BAHCC1: variants seen among roughly 807,000 people sequenced by gnomAD.
BAHCC1 encodes BAH domain and coiled-coil containing 1.
A neutral mutation model predicts 88.2 loss-of-function variants in BAHCC1; 43 were observed. The observed-to-expected ratio is 0.49, with a 90% CI of 0.38 to 0.63. The LOEUF (loss-of-function observed/expected upper bound fraction) is 0.63. Among genes scored for constraint, BAHCC1 ranks in the 20% least tolerant of loss-of-function variants. The pLI is 0.00. For synonymous variants in BAHCC1, 1,510 were observed against 745.5 expected (o/e 2.03, Z -16.71); for missense variants, 3,023 against 1,654.8 (o/e 1.83, Z -14.34).
At position 81,410,384 on chromosome 17, in the gene BAHCC1, G is replaced by A. The variant is rs145983705; in HGVS notation, c.178+10467G>A. ...CATCGAGGGATTCTGTGGCCTTGAG[G>A]CCTTAGTCTGGCCGTAGAACTAGGA... is the stretch of plus-strand genomic sequence containing the variant. On this transcript the variant is annotated intron_variant, in intron 2 of 27. Coordinates refer to ENST00000675386, the MANE Select transcript of BAHCC1 (RefSeq NM_001377448.1). Among the ~76,000 whole-genome samples, 214 of 152,358 alleles carry A rather than the reference G, an allele frequency of 1.4e-3. 1 individual carries two copies. Among genetic ancestry groups the A allele is most frequent in the African/African-American group, 4.8e-3 (201 of 41,578 alleles).
At chr17:81,425,888 T>TA (rs1555650413) in intron 2 of BAHCC1, among the ~76,000 whole-genome samples, 4 of 147,258 alleles carry the variant, frequency 2.7e-5, no homozygotes, top group East Asian at 2.0e-4. Context: ...TTGGTGGTGA[T>TA]GTGGTTGGTG....
At chr17:81,419,349 C>A (rs1212852527) in intron 2 of BAHCC1, among the ~76,000 whole-genome samples, 2 of 152,272 alleles carry the variant, frequency 1.3e-5, no homozygotes, top group Non-Finnish European at 2.9e-5. Context: ...TCTGCATCCA[C>A]GCAGGAACCT....
Position 81,464,033 on chromosome 17 carries a change from A to C in BAHCC1, c.*216A>C. On this transcript the variant is annotated 3_prime_UTR_variant, in exon 28 of 28. Transcript: ENST00000675386. ...TCCAGTCCCGTCCCATCCTCTGCGG[A>C]GGGTCGGGCTGTGGCCCTCATGGGT... 1 of 587,332 alleles carries C rather than the reference A, an allele frequency of 1.7e-6. No homozygotes were observed. The highest frequency in any genetic ancestry group is 3.0e-6 in the Non-Finnish European group (1 of 328,274). The allele number at this position is 587,332 out of a possible 1,614,324, so 36.4% of individuals were successfully genotyped here.
At position 81,465,246 on chromosome 17, in the gene BAHCC1, G is replaced by C. The variant is rs2030623700; in HGVS notation, c.*1429G>C. ...CCCTCTGCCTGCCCCAACCCCTTTGGAGGTTTCTCGGCCTTTTCTGTGCCA... is the reference window on the plus strand; with the variant it reads ...CCCTCTGCCTGCCCCAACCCCTTTGCAGGTTTCTCGGCCTTTTCTGTGCCA... On this transcript the variant is annotated 3_prime_UTR_variant, in exon 28 of 28. Transcript: ENST00000675386. The C allele has an allele frequency of 1.3e-5, 2 of 152,296 alleles. No individual in the cohort carries two copies. The highest frequency in any genetic ancestry group is 3.9e-4 in the East Asian group (2 of 5,194). 9.4% of individuals were successfully genotyped at this position (152,296 alleles called of 1,614,324 possible).
chr17:81,425,274 A>G (rs1452557484), intron 2 of BAHCC1, among the ~76,000 whole-genome samples: 1 of 33,784 alleles, frequency 3.0e-5, no homozygotes, highest in Non-Finnish European at 5.2e-5. Flanking sequence ...TGGGGGTGAT[A>G]GTGGTGGGTG....
rs1024167987 is a variant in BAHCC1 at position 81,427,846 on chromosome 17, G to A, written c.358+867G>A. Among the ~76,000 whole-genome samples, 42 of 152,322 alleles carry A rather than the reference G, an allele frequency of 2.8e-4. No homozygotes were observed. In the East Asian group the frequency reaches 3.3e-3, roughly 12 times the overall value. On this transcript the variant is annotated intron_variant, in intron 3 of 27. Coordinates refer to ENST00000675386, the MANE Select transcript of BAHCC1 (RefSeq NM_001377448.1). Reference sequence around the variant, plus strand: ...CAATGACTGCTGAGCGGCGGGCGTCGTGTTTACAGAGCGCCGCGGACCCAC... The same window carrying A: ...CAATGACTGCTGAGCGGCGGGCGTCATGTTTACAGAGCGCCGCGGACCCAC...
At chr17:81,409,014 C>T (rs2063915279) in intron 2 of BAHCC1, among the ~76,000 whole-genome samples, 1 of 152,234 alleles carries the variant, frequency 6.6e-6, no homozygotes, top group African/African-American at 2.4e-5. Flanking sequence ...CCTAGGATTT[C>T]ACCCCCACAC....
At chr17:81,400,070 C>T (rs1269461857) in intron 2 of BAHCC1, among the ~76,000 whole-genome samples, 153 bp downstream of exon 2, 8 of 152,072 alleles carry the variant, frequency 5.3e-5, no homozygotes, top group African/African-American at 1.9e-4. Context: ...CCGCGCGTCC[C>T]GCCAGCCCCC....
intron 2 of BAHCC1, among the ~76,000 whole-genome samples, chr17:81,409,145 T>C (rs2063916735): frequency 6.6e-6 from 1 of 152,190 alleles, no homozygotes; most frequent in South Asian, 2.1e-4. Flanking sequence ...CACTGGACCA[T>C]GGCGTGGGGC....
chr17:81,420,749 T>C (rs535854537), intron 2 of BAHCC1, among the ~76,000 whole-genome samples: 4 of 152,336 alleles, frequency 2.6e-5, no homozygotes, highest in South Asian at 2.1e-4. Flanking sequence ...TGGAGGCCAG[T>C]GTGCAGTCCT....
In BAHCC1 at chr17:81,399,769, G is replaced by GCCT; in HGVS notation, c.31_32insCTC (p.Pro10dup). On this transcript the variant is annotated inframe_insertion, in exon 2 of 28. Transcript: ENST00000675386. The surrounding 1 kb of genome is among the most constrained non-coding windows in gnomAD (Gnocchi z 4.5). ...ATGGCCGCGACTTTGCGCCGCCGCCGCATCTGCTGTCGGAGCGCGGGAGCC... is the reference window on the plus strand; with the variant it reads ...ATGGCCGCGACTTTGCGCCGCCGCCGCCTCATCTGCTGTCGGAGCGCGGGAGCC... The GCCT allele has an allele frequency of 8.2e-7, 1 of 1,213,532 alleles. No individual in the cohort carries two copies. The highest frequency in any genetic ancestry group is 1.6e-5 in the African/African-American group (1 of 62,740). The allele number at this position is 1,213,532 out of a possible 1,614,324, so 75.2% of individuals were successfully genotyped here.
At chr17:81,412,107 G>A (rs2143274247) in intron 2 of BAHCC1, among the ~76,000 whole-genome samples, 1 of 152,288 alleles carries the variant, frequency 6.6e-6, no homozygotes, top group African/African-American at 2.4e-5. Context: ...TGGAGTGGCA[G>A]GAAAGAGCCC....
At chr17:81,415,415 C>A in intron 2 of BAHCC1, 1 of 378,296 alleles carries the variant, frequency 2.6e-6, no homozygotes, top group Non-Finnish European at 5.3e-6. Flanking sequence ...CAGAGTTTGG[C>A]AGGGGGCATA....
At chr17:81,441,694 CA>C in intron 4 of BAHCC1, 136 bp from the exon 5 acceptor site, 1 of 384,398 alleles carries the variant, frequency 2.6e-6, no homozygotes, top group Non-Finnish European at 4.5e-6. Context: ...AAAAAAAGAG[CA>C]AAAACCTTCC....
Position 81,443,520 on chromosome 17 carries a change from G to A in BAHCC1, c.2171G>A (p.Gly724Asp). Residue 724 changes from glycine to aspartate, a missense_variant, in exon 5 of 28, where the codon GGC (glycine) becomes GAC (aspartate). By Grantham distance (94) the Gly-to-Asp change is moderately conservative (BLOSUM62 -1). Coordinates refer to ENST00000675386, the MANE Select transcript of BAHCC1 (RefSeq NM_001377448.1). ...GTGAGCCGGTCTGAGGCAGCCTACG[G>A]CACCAACACTGCGCGGCAGGGCCGG... Reference protein sequence around the residue: ...DTVSRSEAAYGTNTARQGRAA... With the variant: ...DTVSRSEAAYDTNTARQGRAA... 1 of 683,590 alleles carries A rather than the reference G, an allele frequency of 1.5e-6. No individual in the cohort carries two copies. The allele number at this position is 683,590 out of a possible 1,614,324, so 42.3% of individuals were successfully genotyped here. A position where few individuals can be genotyped will look rare whatever the true frequency, so the allele number is the denominator to read the frequency against.
In BAHCC1 at chr17:81,460,411, T is replaced by G. The variant is rs1555658806; in HGVS notation, c.6025+15T>G. The G allele has an allele frequency of 1.3e-6, 1 of 751,632 alleles. No homozygotes were observed. Among genetic ancestry groups the G allele is most frequent in the African/African-American group, 1.7e-5 (1 of 58,406 alleles). 46.6% of individuals were successfully genotyped at this position (751,632 alleles called of 1,614,324 possible). ...CAAGATCCAGTGTGAGCCTGGGAGC[T>G]GCACGGGGCAGGGCCCTGCCTGGGC... On this transcript the variant is annotated intron_variant, in intron 24 of 27. Coordinates refer to ENST00000675386, the MANE Select transcript of BAHCC1 (RefSeq NM_001377448.1).
Position 81,457,490 on chromosome 17 carries a change from A to G in BAHCC1, c.4939A>G (p.Thr1647Ala), listed in dbSNP as rs12601317. The change falls in exon 17 of 28, where the codon ACC (threonine) becomes GCC (alanine). Residue 1647 changes from threonine (T) to alanine (A), a missense_variant. Transcript: ENST00000675386. ...PPREAGLLLHTGASVAVLGPS... is the reference protein window; with the variant it reads ...PPREAGLLLHAGASVAVLGPS... ...CAGGGAAGCAGGGCTGCTGCTGCAC[A>G]CCGGGGCCAGTGTGGCCGTGCTGGG... 0.75 allele frequency: 568,627 copies of G among 762,850 alleles called. 216,229 individuals carry two copies. Among genetic ancestry groups the G allele is most frequent in the Non-Finnish European group, 0.8 (327,349 of 410,080 alleles). The allele number at this position is 762,850 out of a possible 1,614,324, so 47.3% of individuals were successfully genotyped here.
At chr17:81,459,884 C>G (rs888320405) in intron 23 of BAHCC1, among the ~76,000 whole-genome samples, 2 of 152,126 alleles carry the variant, frequency 1.3e-5, no homozygotes, top group Non-Finnish European at 2.9e-5. Context: ...CAGGGGGCAC[C>G]AGCTCCCCTG....
Position 81,411,105 on chromosome 17 carries a change from A to T in BAHCC1, c.178+11188A>T. ...TCTGGGGTCACGCTCCCTTGTTCTC[A>T]GTCCCGCAGCCGTCCTCTGCGTGAG... On this transcript the variant is annotated intron_variant, in intron 2 of 27. Transcript: ENST00000675386. The surrounding 1 kb of genome is among the most constrained non-coding windows in gnomAD (Gnocchi z 6.2). 1 of 519,240 alleles carries T rather than the reference A, an allele frequency of 1.9e-6. No homozygotes were observed. Among genetic ancestry groups the T allele is most frequent in the African/African-American group, 1.9e-5 (1 of 51,962 alleles). 32.2% of individuals were successfully genotyped at this position (519,240 alleles called of 1,614,324 possible).
Sources: gnomAD v4.1 joint callset for allele counts (sites outside exome capture counted in the v4.1 genomes callset) on GRCh38, gnomAD v4.1.1 for gene constraint, Gnocchi (gnomAD v3.1) non-coding constraint, MANE v1.5 for transcripts, NCBI Gene and HGNC (gene_info 2026-07-23, HGNC 2026-07-21) for gene names.